The following FBXL17 variants were observed in gnomAD, a reference collection of about 807,000 sequenced individuals.
FBXL17 encodes F-box/LRR-repeat protein 17.
FBXL17 carries 22 observed loss-of-function variants against 66.2 expected under a neutral mutation model. The observed-to-expected ratio is 0.33, with a 90% confidence interval of 0.24 to 0.47. The LOEUF is 0.47. FBXL17 is among the 20% of genes least tolerant of loss of function. The pLI is 1.00. For missense variants in FBXL17, 878 were observed against 948.2 expected (o/e 0.93, Z 0.97); for synonymous variants, 474 against 400.5 (o/e 1.18, Z -2.19).
intron 4 of FBXL17, among the ~76,000 whole-genome samples, chr5:108,306,420 T>C (rs910139354): frequency 6.6e-6 from 1 of 152,134 alleles, no homozygotes; most frequent in Non-Finnish European, 1.5e-5. Flanking sequence ...AATATGAATT[T>C]TGATGCCATA....
At chr5:107,983,731 G>A (rs1196437495) in intron 7 of FBXL17, among the ~76,000 whole-genome samples, 1 of 152,174 alleles carries the variant, frequency 6.6e-6, no homozygotes, top group Non-Finnish European at 1.5e-5. Context: ...GTCCGGAGAG[G>A]ACTGGAAACT....
intron 6 of FBXL17, among the ~76,000 whole-genome samples, chr5:108,178,055 T>C (rs1342470382): frequency 6.6e-6 from 1 of 151,696 alleles, no homozygotes; most frequent in Non-Finnish European, 1.5e-5. Flanking sequence ...AGACAGGGTC[T>C]TCCTCTGTCA....
chr5:108,106,918 A>G (rs1284328309), intron 6 of FBXL17, among the ~76,000 whole-genome samples: 1 of 152,238 alleles, frequency 6.6e-6, no homozygotes, highest in Admixed American at 6.5e-5. Context: ...TACACCTTAA[A>G]TGGGTGAATT....
chr5:107,996,679 A>G (rs544094886), intron 7 of FBXL17, among the ~76,000 whole-genome samples: 3 of 152,330 alleles, frequency 2.0e-5, no homozygotes, highest in African/African-American at 7.2e-5. Flanking sequence ...AGAATAAAAT[A>G]TATCTACTAT....
chr5:108,188,580 T>C (rs1580582308), intron 5 of FBXL17, among the ~76,000 whole-genome samples: 1 of 152,322 alleles, frequency 6.6e-6, no homozygotes, highest in Admixed American at 6.5e-5. Flanking sequence ...CATCAGAACA[T>C]AACTGGTACT....
intron 6 of FBXL17, among the ~76,000 whole-genome samples, chr5:108,085,620 G>A (rs1748939188): frequency 6.6e-6 from 1 of 152,150 alleles, no homozygotes; most frequent in South Asian, 2.1e-4. Context: ...TGGTACCTTG[G>A]CATACTGAAT....
intron 6 of FBXL17, among the ~76,000 whole-genome samples, chr5:108,107,541 G>A (rs1009849804): frequency 3.9e-5 from 6 of 151,946 alleles, no homozygotes; most frequent in Non-Finnish European, 4.4e-5. Context: ...GGCCAGGCAC[G>A]GTGGCTCAAG....
At chr5:108,141,782 G>A (rs920707804) in intron 6 of FBXL17, among the ~76,000 whole-genome samples, 1 of 152,120 alleles carries the variant, frequency 6.6e-6, no homozygotes, top group African/African-American at 2.4e-5. Flanking sequence ...CAGACTATAC[G>A]TTGTTCTGTG....
chr5:108,041,717 C>A (rs1747053880), intron 6 of FBXL17, among the ~76,000 whole-genome samples: 1 of 152,006 alleles, frequency 6.6e-6, no homozygotes, highest in South Asian at 2.1e-4. Flanking sequence ...TGTACTCAGC[C>A]CCTTTTCTTT....
intron 6 of FBXL17, among the ~76,000 whole-genome samples, chr5:108,142,833 G>A (rs1448272485): frequency 6.6e-6 from 1 of 152,012 alleles, no homozygotes; most frequent in South Asian, 2.1e-4. Context: ...AGCAGCAGGG[G>A]CATAAGATTC....
chr5:108,189,315 ATG>A (rs1753369928), intron 5 of FBXL17, among the ~76,000 whole-genome samples: 4 of 130,996 alleles, frequency 3.1e-5, no homozygotes, highest in Non-Finnish European at 6.4e-5. Flanking sequence ...ATGGGATGGG[ATG>A]GGATGGGATG....
intron 7 of FBXL17, among the ~76,000 whole-genome samples, chr5:107,965,659 C>T (rs571415453): frequency 6.6e-6 from 1 of 152,272 alleles, no homozygotes; most frequent in South Asian, 2.1e-4. Context: ...TGTTTTTAAA[C>T]ATACCCTGTT....
intron 7 of FBXL17, among the ~76,000 whole-genome samples, chr5:107,889,389 C>T (rs1383564385): frequency 6.6e-6 from 1 of 152,108 alleles, no homozygotes; most frequent in Non-Finnish European, 1.5e-5. Flanking sequence ...TATTTAGAAA[C>T]TCTGAATCCC....
intron 6 of FBXL17, among the ~76,000 whole-genome samples, chr5:108,125,358 T>C (rs1164112959): frequency 6.6e-6 from 1 of 152,000 alleles, no homozygotes; most frequent in African/African-American, 2.4e-5. Context: ...CTGCTTGTAC[T>C]ATACAGAAAG....
At position 107,985,974 on chromosome 5, in the gene FBXL17, G is replaced by A. The variant is rs558545337; in HGVS notation, c.1822+34951C>T. 9.3e-4 allele frequency among the ~76,000 whole-genome samples: 141 copies of A among 152,192 alleles called. 1 individual carries two copies. The highest frequency in any genetic ancestry group is 3.2e-3 in the African/African-American group (133 of 41,554). ...TAGTCTTCTGTAGACTATTGTCAATGTTTGAAAAATTACATTATAAAAACA... is the reference window on the plus strand; with the variant it reads ...TAGTCTTCTGTAGACTATTGTCAATATTTGAAAAATTACATTATAAAAACA... On this transcript the variant is annotated intron_variant, in intron 7 of 8. Coordinates refer to ENST00000542267, the MANE Select transcript of FBXL17 (RefSeq NM_001163315.3).
In FBXL17 at chr5:108,248,121, G is replaced by C. The variant is rs559181258; in HGVS notation, c.1507-23893C>G. On this transcript the variant is annotated intron_variant, in intron 4 of 8. Coordinates refer to ENST00000542267, the MANE Select transcript of FBXL17 (RefSeq NM_001163315.3). ...CCTAGGAAAATCTCAACTTAAATAA[G>C]AAAAGACAATCAAGAGATAACACAG... Among the ~76,000 whole-genome samples the C allele has an allele frequency of 7.2e-5, 11 of 152,126 alleles. No homozygotes were observed. In the South Asian group the frequency reaches 1.7e-3, roughly 23 times the overall value.
intron 7 of FBXL17, among the ~76,000 whole-genome samples, chr5:107,967,333 A>G (rs1752182920): frequency 6.6e-6 from 1 of 152,154 alleles, no homozygotes; most frequent in Non-Finnish European, 1.5e-5. Flanking sequence ...ATCAGAATCA[A>G]ATCTCTAGAA....
In FBXL17 at chr5:107,934,468, C is replaced by A. The variant is rs936999159; in HGVS notation, c.1823-53289G>T. Among the ~76,000 whole-genome samples, 6 of 152,104 alleles carry A rather than the reference C, an allele frequency of 3.9e-5. No homozygotes were observed. The East Asian group carries it at 1.2e-3, about 29-fold the overall frequency. On this transcript the variant is annotated intron_variant, in intron 7 of 8. Coordinates refer to ENST00000542267, the MANE Select transcript of FBXL17 (RefSeq NM_001163315.3). Reference sequence around the variant, plus strand: ...AAAATTATTGAAAAGTTCATTCAAACCTTGAACCTTTCTTTGAAGTACTAT... The same window carrying A: ...AAAATTATTGAAAAGTTCATTCAAAACTTGAACCTTTCTTTGAAGTACTAT...
At chr5:107,927,762 A>G (rs1750576238) in intron 7 of FBXL17, among the ~76,000 whole-genome samples, 3 of 152,138 alleles carry the variant, frequency 2.0e-5, no homozygotes, top group South Asian at 2.1e-4. Flanking sequence ...ATTTATAATG[A>G]TAAGTTGACA....
Sources: gnomAD v4.1 joint callset for allele counts (sites outside exome capture counted in the v4.1 genomes callset) on GRCh38, gnomAD v4.1.1 for gene constraint, MANE v1.5 for transcripts, NCBI Gene and HGNC (gene_info 2026-07-23, HGNC 2026-07-21) for gene names.